Variants in PLXNA4 observed in about 807,000 individuals in gnomAD.
PLXNA4 encodes plexin A4, also known as plexin-A4.
A neutral mutation model predicts 191.8 loss-of-function variants in PLXNA4; 44 were observed. The ratio of observed to expected loss-of-function variants is 0.23; its 90% CI spans 0.18 to 0.29. PLXNA4 has a LOEUF of 0.29. Ranked by LOEUF, PLXNA4 falls within the 10% of genes least tolerant of loss-of-function variation. The pLI, the probability that PLXNA4 is intolerant of heterozygous loss-of-function variation, is 1.00. For synonymous variants in PLXNA4, 1,082 were observed against 1,009.5 expected (o/e 1.07, Z -1.36); for missense variants, 1,800 against 2,488.8 (o/e 0.72, Z 5.89).
At chr7:132,152,375 C>T (rs925731856) in intron 25 of PLXNA4, among the ~76,000 whole-genome samples, 4 of 152,224 alleles carry the variant, frequency 2.6e-5, no homozygotes, top group African/African-American at 9.6e-5. Flanking sequence ...GGTCCCCTCA[C>T]GGTGTGCACG....
At chr7:132,210,806 T>G in intron 10 of PLXNA4, 137 bp downstream of exon 10, 6 of 939,414 alleles carry the variant, frequency 6.4e-6, no homozygotes, top group Non-Finnish European at 8.0e-6. Flanking sequence ...CCAGCAGGCA[T>G]GGGGGAAGCA....
intron 4 of PLXNA4, among the ~76,000 whole-genome samples, chr7:132,259,482 G>GAAAAAAAAAAAAAAA (rs1414792493): frequency 9.0e-5 from 10 of 111,394 alleles, no homozygotes; most frequent in South Asian, 3.1e-4. Flanking sequence ...AAGAAAAAAG[G>GAAAAAAAAAAAAAAA]AAAAAAGAAA....
chr7:132,349,302 T>A (rs1389449662), intron 3 of PLXNA4, among the ~76,000 whole-genome samples: 1 of 151,982 alleles, frequency 6.6e-6, no homozygotes, highest in African/African-American at 2.4e-5. Flanking sequence ...AAGAGCAGCA[T>A]CTCCCCCACA....
intron 30 of PLXNA4, among the ~76,000 whole-genome samples, chr7:132,136,161 C>T (rs932295328): frequency 6.6e-6 from 1 of 152,212 alleles, no homozygotes; most frequent in Non-Finnish European, 1.5e-5. Context: ...CTGACTCATG[C>T]GGCACTACCT....
chr7:132,616,532 T>C (rs1269876439), intron 2 of PLXNA4, among the ~76,000 whole-genome samples: 10 of 152,200 alleles, frequency 6.6e-5, no homozygotes, highest in African/African-American at 2.4e-4. Flanking sequence ...GACTCATCCA[T>C]AAAACTTTTT....
chr7:132,423,883 G>C (rs932274491), intron 3 of PLXNA4, among the ~76,000 whole-genome samples: 1 of 152,180 alleles, frequency 6.6e-6, no homozygotes, highest in Non-Finnish European at 1.5e-5. Flanking sequence ...CACCATCGGG[G>C]CCACAAGGAG....
At chr7:132,450,128 C>T (rs1215874569) in intron 3 of PLXNA4, among the ~76,000 whole-genome samples, 1 of 152,182 alleles carries the variant, frequency 6.6e-6, no homozygotes, top group African/African-American at 2.4e-5. Context: ...CTGATATCCA[C>T]AGAGGCCATG....
At chr7:132,462,568 A>G (rs1196591641) in intron 3 of PLXNA4, among the ~76,000 whole-genome samples, 2 of 152,088 alleles carry the variant, frequency 1.3e-5, no homozygotes, top group African/African-American at 4.8e-5. Context: ...AAAAAGGCAT[A>G]GGGATATACT....
chr7:132,542,609 T>G (rs1800132119), intron 1 of PLXNA4, among the ~76,000 whole-genome samples: 1 of 152,208 alleles, frequency 6.6e-6, no homozygotes, highest in South Asian at 2.1e-4. Flanking sequence ...TTTTTTTTCT[T>G]TCTTTGTAGA....
rs117264979 is a variant in PLXNA4, at chr7:132,156,209, T to G, written c.4660+3264A>C. ...ACGCACACACGCACACAACCCTTGT[T>G]TCTATTTCTTTGGAGAATCCTTACT... On this transcript the variant is annotated intron_variant, in intron 25 of 31. Coordinates refer to ENST00000321063, the MANE Select transcript of PLXNA4 (RefSeq NM_020911.2). Among the ~76,000 whole-genome samples the G allele has an allele frequency of 2.7e-5, 4 of 145,500 alleles. No individual in the cohort carries two copies. The South Asian group carries it at 6.6e-4, about 24-fold the overall frequency.
chr7:132,339,874 G>T (rs1802958287), intron 3 of PLXNA4, among the ~76,000 whole-genome samples: 1 of 152,084 alleles, frequency 6.6e-6, no homozygotes, highest in Non-Finnish European at 1.5e-5. Flanking sequence ...AGGCCTCTAA[G>T]GGTTCTTATG....
At position 132,258,010 on chromosome 7, in the gene PLXNA4, C is replaced by T. The variant is rs1320293877; in HGVS notation, c.1504-16844G>A. ...CAGCTCTCTGAGATGGAGGGTGTAG[C>T]TGGAAAAGGGTCATTGAAGGCAGAA... On this transcript the variant is annotated intron_variant, in intron 4 of 31. Transcript: ENST00000321063. 2.0e-5 allele frequency among the ~76,000 whole-genome samples: 3 copies of T among 152,206 alleles called. No individual in the cohort carries two copies. The East Asian group carries it at 5.8e-4, about 29-fold the overall frequency.
At position 132,591,453 on chromosome 7, in the gene PLXNA4, AG is replaced by A. The variant is rs532700532; in HGVS notation, c.-87+54474del. Among the ~76,000 whole-genome samples the A allele has an allele frequency of 7.9e-5, 12 of 152,344 alleles. No individual in the cohort carries two copies. The East Asian group carries it at 1.2e-3, about 15-fold the overall frequency. ...CCTAATGTCTGCCCACGACTCCACA[AG>A]GATGCAGTACAAAAGTATTGTAGCT... On this transcript the variant is annotated intron_variant, in intron 2 of 4. Transcript: ENST00000378539.
At chr7:132,514,465 G>C (rs1472361314) in intron 1 of PLXNA4, among the ~76,000 whole-genome samples, 1 of 152,148 alleles carries the variant, frequency 6.6e-6, no homozygotes, top group Non-Finnish European at 1.5e-5. Flanking sequence ...ACTTGGCTGG[G>C]CCACGGTGCC....
chr7:132,226,359 A>T, intron 7 of PLXNA4, 99 bp from the exon 8 acceptor site: 2 of 1,052,102 alleles, frequency 1.9e-6, no homozygotes, highest in Non-Finnish European at 2.8e-6. Context: ...CCTGCTCCCC[A>T]GGCGGCTGTT....
intron 3 of PLXNA4, among the ~76,000 whole-genome samples, chr7:132,333,487 T>A (rs940820358): frequency 6.6e-6 from 1 of 152,132 alleles, no homozygotes; most frequent in African/African-American, 2.4e-5. Flanking sequence ...GGAGGTGTGA[T>A]GGGAGGCACC....
intron 3 of PLXNA4, among the ~76,000 whole-genome samples, chr7:132,442,484 T>C (rs1795732423): frequency 6.6e-6 from 1 of 152,234 alleles, no homozygotes; most frequent in Non-Finnish European, 1.5e-5. Context: ...AGATTCTTAC[T>C]TTTCTCGAAC....
intron 4 of PLXNA4, among the ~76,000 whole-genome samples, chr7:132,296,989 T>C (rs987726921): frequency 1.3e-5 from 2 of 152,040 alleles, no homozygotes; most frequent in African/African-American, 4.8e-5. Flanking sequence ...CAGGAGAAGA[T>C]GTCATCGAGC....
At chr7:132,463,693 G>A (rs143358253) in intron 3 of PLXNA4, among the ~76,000 whole-genome samples, 15 of 152,240 alleles carry the variant, frequency 9.9e-5, no homozygotes, top group African/African-American at 2.2e-4. Context: ...TCTGGCTTAC[G>A]GGGACACACC....
Sources: allele counts gnomAD v4.1 joint callset (sites outside exome capture counted in the v4.1 genomes callset), GRCh38; gene constraint gnomAD v4.1.1; transcripts MANE v1.5; gene names NCBI Gene and HGNC (gene_info 2026-07-23, HGNC 2026-07-21).